CSMD1: variants seen among roughly 807,000 people sequenced by gnomAD.
CSMD1 encodes the protein CUB and sushi domain-containing protein 1.
CSMD1 carries 213 observed loss-of-function variants against 417.5 expected under a neutral mutation model. That is an observed-to-expected ratio of 0.51 (90% CI 0.46 to 0.57). CSMD1 has a LOEUF of 0.57. CSMD1 is among the 20% of genes least tolerant of loss of function. CSMD1 has a pLI of 0.00. For synonymous variants in CSMD1, 2,862 were observed against 1,736.8 expected, an observed-to-expected ratio of 1.65 and a Z score of -16.11; for missense variants, 6,923 against 4,529.7, an observed-to-expected ratio of 1.53 and a Z score of -15.17.
chr8:3,065,312 TAG>T (rs943935705), intron 49 of CSMD1, among the ~76,000 whole-genome samples: 1 of 149,486 alleles, frequency 6.7e-6, no homozygotes, highest in South Asian at 2.1e-4. Context: ...GGTAGATAGA[TAG>T]ATAGACAGAC....
chr8:4,912,135 A>AAAAAAAAAAAAAAAAAAAAG lies in CSMD1; in HGVS notation c.85+82196_85+82197insCTTTTTTTTTTTTTTTTTTT, dbSNP rs765904838. On this transcript the variant is annotated intron_variant, in intron 1 of 69. Coordinates refer to ENST00000635120, the MANE Select transcript of CSMD1 (RefSeq NM_033225.6). Reference sequence around the variant, plus strand: ...TCAACATAGCTTCAAAAAAAAAAAAAAAAAAAGAAAGAAAGAAAAGAAAAG... The same window carrying AAAAAAAAAAAAAAAAAAAAG: ...TCAACATAGCTTCAAAAAAAAAAAAAAAAAAAAAAAAAAAAAAAAGAAAAAAGAAAGAAAGAAAAGAAAAG... Among the ~76,000 whole-genome samples the AAAAAAAAAAAAAAAAAAAAG allele has an allele frequency of 2.6e-3, 298 of 115,266 alleles. 3 individuals carry two copies. The highest frequency in any genetic ancestry group is 4.0e-3 in the African/African-American group (138 of 34,154). 75.6% of individuals were successfully genotyped at this position (115,266 alleles called of 152,430 possible).
Position 4,159,172 on chromosome 8 carries a change from T to A in CSMD1, c.416-127073A>T, listed in dbSNP as rs193119218. On this transcript the variant is annotated intron_variant, in intron 3 of 69. Coordinates refer to ENST00000635120, the MANE Select transcript of CSMD1 (RefSeq NM_033225.6). ...TTCAGGTAATCCACCTGTCTCGGCC[T>A]CCCAAAGTGCTGGGATTACAGGCAT... 7.6e-4 allele frequency among the ~76,000 whole-genome samples: 115 copies of A among 152,230 alleles called. 3 individuals are homozygous for A. The highest frequency in any genetic ancestry group is 2.7e-3 in the Admixed American group (42 of 15,288).
intron 12 of CSMD1, among the ~76,000 whole-genome samples, chr8:3,446,299 C>A (rs893622825): frequency 1.3e-5 from 2 of 152,208 alleles, no homozygotes; most frequent in East Asian, 3.8e-4. Context: ...AATTAGTTTT[C>A]TTTACCTTTT....
At chr8:4,238,972 A>T (rs760353455) in intron 3 of CSMD1, among the ~76,000 whole-genome samples, 1 of 152,200 alleles carries the variant, frequency 6.6e-6, no homozygotes, top group Non-Finnish European at 1.5e-5. Flanking sequence ...GACAGCCCAG[A>T]GTCCCATTTT....
At chr8:4,314,479 T>A (rs1798809256) in intron 3 of CSMD1, among the ~76,000 whole-genome samples, 1 of 152,166 alleles carries the variant, frequency 6.6e-6, no homozygotes, top group African/African-American at 2.4e-5. Flanking sequence ...CATCCGTTCC[T>A]TGAATACCTT....
chr8:4,186,981 CA>C (rs969914147), intron 3 of CSMD1, among the ~76,000 whole-genome samples: 67 of 152,044 alleles, frequency 4.4e-4, no homozygotes, highest in African/African-American at 1.5e-3. Flanking sequence ...GATTCTGTCT[CA>C]AAAAAATATA....
intron 7 of CSMD1, among the ~76,000 whole-genome samples, chr8:3,653,249 T>G (rs1797948317): frequency 6.6e-6 from 1 of 152,146 alleles, no homozygotes; most frequent in South Asian, 2.1e-4. Context: ...CATATAAATA[T>G]CAAATAGATA....
At chr8:3,188,069 TATATATAC>T in intron 35 of CSMD1, 104 bp from the exon 36 acceptor site, 1 of 445,686 alleles carries the variant, frequency 2.2e-6, no homozygotes, top group Middle Eastern at 6.4e-4. Context: ...TATATGTATA[TATATATAC>T]ATATGTATAT....
At position 4,370,861 on chromosome 8, in the gene CSMD1, A is replaced by G. The variant is rs145208310; in HGVS notation, c.415+49092T>C. Among the ~76,000 whole-genome samples the G allele has an allele frequency of 2.7e-3, 407 of 152,174 alleles. 1 individual carries two copies. Among genetic ancestry groups the G allele is most frequent in the Middle Eastern group, 0.014 (4 of 294 alleles). ...ATTGTTTTCCTTGGATTCTGTTTCA[A>G]CCTCCTCTTGTATCTTGATGAGCTC... On this transcript the variant is annotated intron_variant, in intron 3 of 69. Coordinates refer to ENST00000635120, the MANE Select transcript of CSMD1 (RefSeq NM_033225.6).
At position 4,581,704 on chromosome 8, in the gene CSMD1, G is replaced by A. The variant is rs190437427; in HGVS notation, c.302+55638C>T. 3.9e-5 allele frequency among the ~76,000 whole-genome samples: 6 copies of A among 152,248 alleles called. No individual in the cohort carries two copies. The East Asian group carries it at 7.7e-4, about 20-fold the overall frequency. ...CCAGTTGGGGTCACATAAGCAGGTC[G>A]GTTTTAACAGCTTCCAGAGAATTCC... On this transcript the variant is annotated intron_variant, in intron 2 of 69. Transcript: ENST00000635120.
intron 2 of CSMD1, among the ~76,000 whole-genome samples, chr8:4,527,471 G>A (rs148944237): frequency 6.6e-6 from 1 of 152,248 alleles, no homozygotes; most frequent in East Asian, 1.9e-4. Context: ...TTGCAAAGTT[G>A]GTGAGTTGTC....
intron 3 of CSMD1, among the ~76,000 whole-genome samples, chr8:4,143,123 T>C (rs1475423907): frequency 2.4e-5 from 3 of 125,282 alleles, no homozygotes; most frequent in South Asian, 2.8e-4. Flanking sequence ...CTATGGAGGA[T>C]TGGAATTAGC....
intron 5 of CSMD1, among the ~76,000 whole-genome samples, chr8:3,815,703 T>A (rs1224291227): frequency 1.3e-5 from 2 of 151,964 alleles, no homozygotes; most frequent in East Asian, 3.9e-4. Flanking sequence ...GACTTTTTCA[T>A]ACTCTGAATT....
At chr8:4,820,707 T>C (rs543500753) in intron 1 of CSMD1, among the ~76,000 whole-genome samples, 21 of 152,310 alleles carry the variant, frequency 1.4e-4, no homozygotes, top group Admixed American at 1.3e-3. Context: ...CAAGGCTGCA[T>C]AGCTCATGGA....
chr8:4,053,765 T>TG (rs1038005071), intron 3 of CSMD1, among the ~76,000 whole-genome samples: 1 of 152,154 alleles, frequency 6.6e-6, no homozygotes, highest in Non-Finnish European at 1.5e-5. Context: ...TGATGGCATT[T>TG]GGGGGCTTAG....
chr8:3,733,864 T>C (rs1796393047), intron 6 of CSMD1, among the ~76,000 whole-genome samples: 1 of 152,188 alleles, frequency 6.6e-6, no homozygotes. Context: ...CGTTTATAAA[T>C]TAAACTTTAT....
chr8:3,168,721 A>C (rs1405430590), intron 37 of CSMD1, among the ~76,000 whole-genome samples: 1 of 152,124 alleles, frequency 6.6e-6, no homozygotes, highest in Non-Finnish European at 1.5e-5. Flanking sequence ...AAACTGTTTT[A>C]TTTATCATCT....
chr8:2,952,430 G>C (rs1266372608), intron 65 of CSMD1, among the ~76,000 whole-genome samples: 1 of 152,114 alleles, frequency 6.6e-6, no homozygotes, highest in Non-Finnish European at 1.5e-5. Context: ...AGCAAGAGAA[G>C]GGTTAAAGAG....
At position 4,266,537 on chromosome 8, in the gene CSMD1, T is replaced by C. The variant is rs1260193531; in HGVS notation, c.415+153416A>G. Among the ~76,000 whole-genome samples the C allele has an allele frequency of 3.8e-5, 4 of 104,958 alleles. 1 individual carries two copies. Among genetic ancestry groups the C allele is most frequent in the Non-Finnish European group, 1.0e-4 (4 of 38,992 alleles). The allele number at this position is 104,958 out of a possible 152,430, so 68.9% of individuals were successfully genotyped here. ...AAAAAGTAGAACAATTTCATACTCA[T>C]GCCTCATATCCTTCCTTCAGAAAAA... On this transcript the variant is annotated intron_variant, in intron 3 of 69. Transcript: ENST00000635120.
Sources: gnomAD v4.1 joint callset for allele counts (sites outside exome capture counted in the v4.1 genomes callset) on GRCh38, gnomAD v4.1.1 for gene constraint, MANE v1.5 for transcripts, NCBI Gene and HGNC (gene_info 2026-07-23, HGNC 2026-07-21) for gene names.